The following PKD1L1 variants were observed in gnomAD, a reference collection of about 807,000 sequenced individuals.
PKD1L1 encodes the protein polycystin 1 like 1, transient receptor potential channel interacting, also known as polycystin-1-like protein 1.
PKD1L1 carries 236 observed loss-of-function variants against 323.4 expected under a neutral mutation model. That is an observed-to-expected ratio of 0.73 (90% CI 0.66 to 0.81). PKD1L1 has a LOEUF of 0.81. Ranked by LOEUF, PKD1L1 falls within the 40% of genes least tolerant of loss-of-function variation. The pLI, the probability that PKD1L1 is intolerant of heterozygous loss-of-function variation, is 0.00. For synonymous variants in PKD1L1, 1,344 were observed against 1,335.0 expected, an observed-to-expected ratio of 1.01 and a Z score of -0.15; for missense variants, 3,320 against 3,508.0, an observed-to-expected ratio of 0.95 and a Z score of 1.35.
At chr7:47,801,570 C>A (rs941910220) in intron 53 of PKD1L1, among the ~76,000 whole-genome samples, 8 of 152,114 alleles carry the variant, frequency 5.3e-5, no homozygotes, top group Non-Finnish European at 1.0e-4. Context: ...TACAGAGAGG[C>A]CCTACCTAGC....
intron 56 of PKD1L1, among the ~76,000 whole-genome samples, chr7:47,778,078 G>T (rs1786609907): frequency 6.6e-6 from 1 of 152,134 alleles, no homozygotes; most frequent in Non-Finnish European, 1.5e-5. Flanking sequence ...GGTACTCCTG[G>T]ACTATTGTTT....
intron 37 of PKD1L1, 41 bp downstream of exon 37, chr7:47,836,880 C>A: frequency 1.3e-6 from 2 of 1,590,892 alleles, no homozygotes; most frequent in South Asian, 1.1e-5. Flanking sequence ...ACAGTGTAGT[C>A]GGATCTGGAA....
At chr7:47,851,520 T>C (rs1319431713) in intron 31 of PKD1L1, among the ~76,000 whole-genome samples, 1 of 152,166 alleles carries the variant, frequency 6.6e-6, no homozygotes, top group African/African-American at 2.4e-5. Context: ...AGCTAATTCA[T>C]GGTGGAATTA....
chr7:47,878,990 A>G (rs1408607031), intron 21 of PKD1L1, among the ~76,000 whole-genome samples: 1 of 152,242 alleles, frequency 6.6e-6, no homozygotes, highest in East Asian at 1.9e-4. Context: ...TAGACTTGTC[A>G]CTTGGGCAAA....
At chr7:47,852,096 AG>A (rs1785794150) in intron 31 of PKD1L1, among the ~76,000 whole-genome samples, 1 of 152,156 alleles carries the variant, frequency 6.6e-6, no homozygotes, top group African/African-American at 2.4e-5. Context: ...TTAAGTATTC[AG>A]GGGTGGTATG....
chr7:47,883,912 G>A (rs909073354), intron 19 of PKD1L1, among the ~76,000 whole-genome samples: 5 of 152,170 alleles, frequency 3.3e-5, no homozygotes, highest in African/African-American at 7.2e-5. Context: ...TCAGTCACTC[G>A]CTGATCAAAC....
chr7:47,859,944 T>TAA (rs1785990322), intron 26 of PKD1L1, among the ~76,000 whole-genome samples: 1 of 152,130 alleles, frequency 6.6e-6, no homozygotes, highest in African/African-American at 2.4e-5. Context: ...TCTGAACTGT[T>TAA]AATGTAGTCC....
At position 47,858,850 on chromosome 7, in the gene PKD1L1, G is replaced by A. The variant is rs539504723; in HGVS notation, c.4185C>T (p.Tyr1395=). 1.9e-6 allele frequency: 3 copies of A among 1,614,028 alleles called. No homozygotes were observed. The African/African-American group carries it at 4.0e-5, about 22-fold the overall frequency. Residue 1395 remains tyrosine (Y), a synonymous_variant, in exon 27 of 57, where the codon TAC becomes TAT. Coordinates refer to ENST00000289672, the MANE Select transcript of PKD1L1 (RefSeq NM_138295.5). ...GGCCTTGAGCAAGGAGTGCCCGGGT[G>A]TACTTGAGGATGAGAACCGCACTCA... ...GFMSAVLILK[Y]TRALLAQGQF...
chr7:47,929,847 C>T (rs1290301644), intron 6 of PKD1L1, among the ~76,000 whole-genome samples: 1 of 152,206 alleles, frequency 6.6e-6, no homozygotes, highest in Admixed American at 6.5e-5. Flanking sequence ...ACATTAGTAA[C>T]AGTAAAAGGT....
intron 53 of PKD1L1, among the ~76,000 whole-genome samples, chr7:47,802,818 G>C (rs1159116172): frequency 1.3e-5 from 2 of 152,226 alleles, no homozygotes; most frequent in Non-Finnish European, 2.9e-5. Context: ...AGGAAATCCT[G>C]AGAATCTTCT....
intron 7 of PKD1L1, among the ~76,000 whole-genome samples, chr7:47,921,884 CT>C (rs1301535006): frequency 6.9e-4 from 104 of 151,502 alleles, no homozygotes; most frequent in African/African-American, 2.4e-3. Flanking sequence ...TCCCTCTCCC[CT>C]CTCCCCTCCC....
intron 52 of PKD1L1, among the ~76,000 whole-genome samples, chr7:47,806,948 G>T (rs963010200): frequency 4.6e-5 from 7 of 151,984 alleles, no homozygotes; most frequent in African/African-American, 1.7e-4. Flanking sequence ...CTGAACTGGT[G>T]CAAGCGGGAC....
chr7:47,796,513 G>C (rs779339194), intron 54 of PKD1L1, among the ~76,000 whole-genome samples: 8 of 152,206 alleles, frequency 5.3e-5, no homozygotes, highest in East Asian at 1.9e-4. Flanking sequence ...CCTCAGGAGA[G>C]AGGCCTGTGC....
At chr7:47,815,601 C>T (rs962714523) in intron 46 of PKD1L1, 144 bp from the exon 47 acceptor site, 3 of 960,230 alleles carry the variant, frequency 3.1e-6, no homozygotes, top group Admixed American at 2.5e-5. Context: ...CTGCTTGCAG[C>T]GTGAAGCATG....
chr7:47,933,242 T>A (rs1473743980), intron 4 of PKD1L1, among the ~76,000 whole-genome samples: 1 of 152,122 alleles, frequency 6.6e-6, no homozygotes, highest in Non-Finnish European at 1.5e-5. Context: ...AGCCAAAAAA[T>A]GCCATTCACC....
intron 55 of PKD1L1, 82 bp from the exon 56 acceptor site, chr7:47,792,879 G>T: frequency 1.5e-6 from 2 of 1,295,214 alleles, no homozygotes; most frequent in Non-Finnish European, 2.2e-6. Flanking sequence ...GCATTTAGGG[G>T]TATCATCTGT....
chr7:47,858,071 C>T (rs1363615434), intron 27 of PKD1L1, among the ~76,000 whole-genome samples: 1 of 152,092 alleles, frequency 6.6e-6, no homozygotes, highest in African/African-American at 2.4e-5. Context: ...TATTTACTTG[C>T]TAATTTCCCA....
At position 47,880,767 on chromosome 7, in the gene PKD1L1, G is replaced by A. The variant is rs751575423; in HGVS notation, c.3481C>T (p.Leu1161=). ...EQTVTIKPYS[L]SSGETYVLQV... ...AGGACGTACGTCTCTCCACTGCTCA[G>A]AGAGTATGGCTTGATTGTCACTGTC... The change falls in exon 21 of 57, where the codon CTG becomes TTG. Residue 1161 remains leucine (L), a synonymous_variant. Transcript: ENST00000289672. 3.1e-6 allele frequency: 5 copies of A among 1,609,202 alleles called. No homozygotes were observed. In the Admixed American group the frequency reaches 5.0e-5, roughly 16 times the overall value.
At position 47,946,757 on chromosome 7, in the gene PKD1L1, G is replaced by A. The variant is rs1000353634; in HGVS notation, c.44+1640C>T. On this transcript the variant is annotated intron_variant, in intron 1 of 56. Coordinates refer to ENST00000289672, the MANE Select transcript of PKD1L1 (RefSeq NM_138295.5). The surrounding 1 kb of genome is among the most constrained non-coding windows in gnomAD (Gnocchi z 4.1). The stretch of plus-strand genomic sequence containing the variant: ...AAACCTCTTCTGTTTCTATGAACAA[G>A]ATCAGTCACTGTCTTGCTTTAGGTG... Among the ~76,000 whole-genome samples, 1 of 152,126 alleles carries A rather than the reference G, an allele frequency of 6.6e-6. No homozygotes were observed. The highest frequency in any genetic ancestry group is 2.4e-5 in the African/African-American group (1 of 41,424).
Sources: allele counts gnomAD v4.1 joint callset (sites outside exome capture counted in the v4.1 genomes callset), GRCh38; gene constraint gnomAD v4.1.1; non-coding constraint Gnocchi (gnomAD v3.1); transcripts MANE v1.5; gene names NCBI Gene and HGNC (gene_info 2026-07-23, HGNC 2026-07-21).